SYNDIG1: variants seen among roughly 807,000 people sequenced by gnomAD.
SYNDIG1 encodes the protein synapse differentiation-inducing gene protein 1.
SYNDIG1 carries 9 observed loss-of-function variants against 19.4 expected under a neutral mutation model. The observed-to-expected ratio is 0.46, with a 90% CI of 0.28 to 0.81. The LOEUF is 0.81. SYNDIG1 is among the 30% of genes least tolerant of loss of function. The pLI is 0.12. For synonymous variants in SYNDIG1, 141 were observed against 145.9 expected (o/e 0.97, Z 0.24); for missense variants, 311 against 343.3 (o/e 0.91, Z 0.74).
chr20:24,577,711 T>C (rs915624986), intron 2 of SYNDIG1, among the ~76,000 whole-genome samples: 2 of 152,206 alleles, frequency 1.3e-5, no homozygotes, highest in Admixed American at 6.5e-5. Flanking sequence ...CTTGGTCCTG[T>C]CCTCAGTTGC....
At chr20:24,566,509 G>A (rs759134036) in intron 2 of SYNDIG1, among the ~76,000 whole-genome samples, 5 of 152,214 alleles carry the variant, frequency 3.3e-5, no homozygotes, top group South Asian at 2.1e-4. Context: ...GGTCTAAGGC[G>A]CTGGTGTACA....
chr20:24,661,808 G>C (rs1488131586), intron 3 of SYNDIG1, among the ~76,000 whole-genome samples: 2 of 152,094 alleles, frequency 1.3e-5, no homozygotes, highest in Non-Finnish European at 2.9e-5. Flanking sequence ...GCAGGGCCTA[G>C]AACCCACTCC....
At chr20:24,561,332 G>A (rs891402146) in intron 2 of SYNDIG1, among the ~76,000 whole-genome samples, 22 of 152,096 alleles carry the variant, frequency 1.4e-4, no homozygotes, top group African/African-American at 2.4e-4. Flanking sequence ...GGAGCTCCCC[G>A]TTAAATTCCT....
chr20:24,505,251 G>A lies in SYNDIG1; in HGVS notation c.-79+35498G>A, dbSNP rs74367363. 4.4e-3 allele frequency among the ~76,000 whole-genome samples: 672 copies of A among 152,280 alleles called. 18 individuals are homozygous for A. The South Asian group carries it at 0.052, about 12-fold the overall frequency. ...GTCATTGAGAAGTCATTGGGAAGCAGGAAAACCAGCCAAGGGTGCGCAGCC... is the reference window on the plus strand; with the variant it reads ...GTCATTGAGAAGTCATTGGGAAGCAAGAAAACCAGCCAAGGGTGCGCAGCC... On this transcript the variant is annotated intron_variant, in intron 1 of 3. Transcript: ENST00000376862.
rs58293467 is a variant in SYNDIG1 at position 24,581,005 on chromosome 20, CCAT to C, written c.481-3850_481-3848del. On this transcript the variant is annotated intron_variant, in intron 2 of 3. Transcript: ENST00000376862. ...GTTGCCATGGGCCTCTCCGTCACCACCATGAGACAGACTTAGCAAGAAGCAGAG... is the reference window on the plus strand; with the variant it reads ...GTTGCCATGGGCCTCTCCGTCACCACGAGACAGACTTAGCAAGAAGCAGAG... Among the ~76,000 whole-genome samples the C allele has an allele frequency of 3.2e-3, 490 of 152,292 alleles. 4 individuals are homozygous for C. Among genetic ancestry groups the C allele is most frequent in the African/African-American group, 0.011 (463 of 41,574 alleles).
At chr20:24,645,064 A>C (rs1371332794) in intron 3 of SYNDIG1, among the ~76,000 whole-genome samples, 6 of 152,226 alleles carry the variant, frequency 3.9e-5, no homozygotes, top group Non-Finnish European at 7.3e-5. Flanking sequence ...CTCTTACATT[A>C]GCAAAAATGC....
chr20:24,553,433 T>C (rs1304603377), intron 2 of SYNDIG1, among the ~76,000 whole-genome samples: 2 of 152,256 alleles, frequency 1.3e-5, no homozygotes, highest in Non-Finnish European at 2.9e-5. Flanking sequence ...CTAGGGTTTT[T>C]ATGGTTTTAG....
At chr20:24,635,275 A>G (rs745614777) in intron 3 of SYNDIG1, among the ~76,000 whole-genome samples, 24 of 152,214 alleles carry the variant, frequency 1.6e-4, no homozygotes, top group Non-Finnish European at 2.2e-4. Context: ...TCGTCCTGTC[A>G]CAAAATCCAC....
intron 1 of SYNDIG1, among the ~76,000 whole-genome samples, chr20:24,475,208 A>C (rs939013054): frequency 3.9e-5 from 6 of 152,240 alleles, no homozygotes; most frequent in African/African-American, 1.4e-4. Context: ...AATGGGATTA[A>C]GTCCTGGGAC....
rs112454246 is a variant in SYNDIG1 at position 24,510,518 on chromosome 20, G to A, written c.-78-32502G>A. 4.3e-3 allele frequency among the ~76,000 whole-genome samples: 640 copies of A among 149,904 alleles called. 2 individuals carry two copies. The highest frequency in any genetic ancestry group is 0.015 in the African/African-American group (590 of 40,684). Reference sequence around the variant, plus strand: ...CGGGAGGCAGAGGTTGCAGTGAGCCGAGATTGCGCCATTGCACTCTGGTCT... The same window carrying A: ...CGGGAGGCAGAGGTTGCAGTGAGCCAAGATTGCGCCATTGCACTCTGGTCT... On this transcript the variant is annotated intron_variant, in intron 1 of 3. Coordinates refer to ENST00000376862, the MANE Select transcript of SYNDIG1 (RefSeq NM_024893.3).
At chr20:24,567,818 C>A (rs1365537873) in intron 2 of SYNDIG1, among the ~76,000 whole-genome samples, 1 of 152,212 alleles carries the variant, frequency 6.6e-6, no homozygotes, top group Non-Finnish European at 1.5e-5. Context: ...GGGCACCATC[C>A]TCTCCACTGT....
intron 1 of SYNDIG1, among the ~76,000 whole-genome samples, chr20:24,523,429 G>A (rs2057050295): frequency 6.6e-6 from 1 of 152,040 alleles, no homozygotes; most frequent in African/African-American, 2.4e-5. Flanking sequence ...TTAAATTTTG[G>A]TTTTCAGTTA....
intron 3 of SYNDIG1, among the ~76,000 whole-genome samples, chr20:24,593,509 A>G (rs2058547188): frequency 6.6e-6 from 1 of 152,186 alleles, no homozygotes; most frequent in African/African-American, 2.4e-5. Flanking sequence ...ATGCACGCAT[A>G]TGTCTTTATA....
intron 1 of SYNDIG1, among the ~76,000 whole-genome samples, chr20:24,541,056 T>C (rs893491946): frequency 5.3e-5 from 8 of 152,212 alleles, no homozygotes; most frequent in Admixed American, 5.2e-4. Context: ...CCTAAAACTC[T>C]TTGACTAAGA....
At chr20:24,627,601 A>C (rs80347058) in intron 3 of SYNDIG1, among the ~76,000 whole-genome samples, 1,654 of 152,372 alleles carry the variant, frequency 0.011, 22 homozygotes, top group African/African-American at 0.037. Context: ...TGCATCTTTC[A>C]AAGGCTAAAA....
chr20:24,624,255 CAAAAA>C (rs201904792), intron 3 of SYNDIG1, among the ~76,000 whole-genome samples: 1 of 94,700 alleles, frequency 1.1e-5, no homozygotes, highest in Non-Finnish European at 2.0e-5. Flanking sequence ...GACTCCATCT[CAAAAA>C]AAAAAAAAAA....
chr20:24,608,744 C>T (rs754297991), intron 3 of SYNDIG1, among the ~76,000 whole-genome samples: 122 of 152,264 alleles, frequency 8.0e-4, no homozygotes, highest in Non-Finnish European at 5.6e-4. Context: ...TCAGACCGCC[C>T]GATGGCCGTC....
At chr20:24,522,994 C>T (rs1462217901) in intron 1 of SYNDIG1, among the ~76,000 whole-genome samples, 2 of 152,226 alleles carry the variant, frequency 1.3e-5, no homozygotes, top group African/African-American at 2.4e-5. Context: ...CCTGTTAGGC[C>T]TGCCTTCAAC....
intron 2 of SYNDIG1, among the ~76,000 whole-genome samples, chr20:24,557,945 C>T (rs1223608389): frequency 6.6e-6 from 1 of 152,228 alleles, no homozygotes; most frequent in East Asian, 1.9e-4. Flanking sequence ...CGGAAGAGGG[C>T]TTTAATCAGG....
Sources: gnomAD v4.1 joint callset for allele counts (sites outside exome capture counted in the v4.1 genomes callset) on GRCh38, gnomAD v4.1.1 for gene constraint, MANE v1.5 for transcripts, NCBI Gene and HGNC (gene_info 2026-07-23, HGNC 2026-07-21) for gene names.